The following ABCA8 variants were observed in gnomAD, a reference collection of about 807,000 sequenced individuals.
ABCA8 encodes the protein ABC-type organic anion transporter ABCA8.
ABCA8 carries 177 observed loss-of-function variants against 192.3 expected under a neutral mutation model. The ratio of observed to expected loss-of-function variants is 0.92; its 90% CI spans 0.81 to 1.04. The LOEUF (loss-of-function observed/expected upper bound fraction) is 1.04. Among genes scored for constraint, ABCA8 ranks in the 50% least tolerant of loss-of-function variants. The pLI, the probability that ABCA8 is intolerant of heterozygous loss-of-function variation, is 0.00. For synonymous variants in ABCA8, 642 were observed against 690.2 expected (o/e 0.93, Z 1.09); for missense variants, 1,915 against 1,904.8 (o/e 1.01, Z -0.10).
intron 27 of ABCA8, chr17:68,884,600 A>G: frequency 1.6e-6 from 2 of 1,260,140 alleles, no homozygotes; most frequent in Non-Finnish European, 2.0e-6. Flanking sequence ...GGATTTATCA[A>G]TTACTAATCA....
chr17:68,915,523 A>G (rs183185029), intron 17 of ABCA8, among the ~76,000 whole-genome samples: 197 of 152,320 alleles, frequency 1.3e-3, no homozygotes, highest in Middle Eastern at 6.8e-3. Context: ...CATATGAAAA[A>G]GGGCTCAATA....
Position 68,929,140 on chromosome 17 carries a change from C to T in ABCA8, c.1034G>A (p.Gly345Glu). ...AAGGTGTCTGTACAGTGATGTGAAC[C>T]CCAGACACCCCCAAAAGACAGTGAG... ...FLLTVFWGCL[G>E]FTSLYRHLPA... The change falls in exon 9 of 40, where the codon GGG becomes GAG. Residue 345 changes from glycine to glutamate, a missense_variant. Transcript: ENST00000586539. The T allele has an allele frequency of 6.2e-7, 1 of 1,611,508 alleles. No individual in the cohort carries two copies. Among genetic ancestry groups the T allele is most frequent in the East Asian group, 2.2e-5 (1 of 44,794 alleles).
chr17:68,872,674 G>A (rs911400427), intron 37 of ABCA8, among the ~76,000 whole-genome samples: 5 of 152,026 alleles, frequency 3.3e-5, no homozygotes, highest in South Asian at 2.1e-4. Flanking sequence ...TCATTGCCCC[G>A]AAGACCTTCC....
intron 35 of ABCA8, 31 bp from the exon 36 acceptor site, chr17:68,875,764 G>C: frequency 1.3e-6 from 2 of 1,592,806 alleles, no homozygotes; most frequent in Non-Finnish European, 1.7e-6. Flanking sequence ...TTGCAATTTA[G>C]GAAATCCTCT....
chr17:68,926,569 G>A (rs2067705286), intron 10 of ABCA8, among the ~76,000 whole-genome samples: 3 of 151,980 alleles, frequency 2.0e-5, no homozygotes, highest in Admixed American at 2.0e-4. Flanking sequence ...AATATTAGTA[G>A]GCAAAAAAGT....
In ABCA8 at chr17:68,902,622, G is replaced by A. The variant is rs2066942872; in HGVS notation, c.2764+91C>T. On this transcript the variant is annotated intron_variant, in intron 21 of 39. Coordinates refer to ENST00000586539, the MANE Select transcript of ABCA8 (RefSeq NM_001288985.2). ...TTGTTTTTTAACACATGCTGAATAAGTGAAAAGCTATTTTCTTTCTCATGG... is the reference window on the plus strand; with the variant it reads ...TTGTTTTTTAACACATGCTGAATAAATGAAAAGCTATTTTCTTTCTCATGG... 13 of 1,127,226 alleles carry A rather than the reference G, an allele frequency of 1.2e-5. No homozygotes were observed. The East Asian group carries it at 3.1e-4, about 27-fold the overall frequency. The allele number at this position is 1,127,226 out of a possible 1,614,324, so 69.8% of individuals were successfully genotyped here.
Position 68,922,232 on chromosome 17 carries a change from T to TA in ABCA8, c.1501+9_1501+10insT. The TA allele has an allele frequency of 1.6e-6, 1 of 614,684 alleles. No homozygotes were observed. Among genetic ancestry groups the TA allele is most frequent in the Non-Finnish European group, 2.3e-6 (1 of 443,646 alleles). The allele number at this position is 614,684 out of a possible 1,614,324, so 38.1% of individuals were successfully genotyped here. ...TTTTTTTTTTTTTTTTTTTTTTTTT[T>TA]TTTTTTTACCTTTCAAGGCTTCTAT... On this transcript the variant is annotated intron_variant, in intron 12 of 39. Coordinates refer to ENST00000586539, the MANE Select transcript of ABCA8 (RefSeq NM_001288985.2).
chr17:68,887,454 C>A lies in ABCA8; in HGVS notation c.3197G>T (p.Trp1066Leu). 2 of 1,613,636 alleles carry A rather than the reference C, an allele frequency of 1.2e-6. No homozygotes were observed. ...RISGLSPSAY[W>L]FGQALVDVSL... ...AACATCCACCAGCGCCTGCCCAAAC[C>A]AGTAAGCAGAAGGGGAGAGTCCGGA... is the stretch of plus-strand genomic sequence containing the variant. Residue 1066 changes from tryptophan to leucine, a missense_variant, in exon 25 of 40, where the codon TGG becomes TTG. By Grantham distance (61) the Trp-to-Leu change is moderately conservative (BLOSUM62 -2). Coordinates refer to ENST00000586539, the MANE Select transcript of ABCA8 (RefSeq NM_001288985.2).
chr17:68,933,312 T>C (rs2067963568), intron 5 of ABCA8, 41 bp from the exon 6 acceptor site: 1 of 1,265,092 alleles, frequency 7.9e-7, no homozygotes, highest in Non-Finnish European at 1.1e-6. Context: ...TACATCACTA[T>C]CTATATTATT....
intron 1 of ABCA8, among the ~76,000 whole-genome samples, chr17:68,951,043 C>A (rs2068554122): frequency 6.6e-6 from 1 of 152,094 alleles, no homozygotes. Context: ...AAGCTGAGTC[C>A]TCTCAGTCAT....
intron 2 of ABCA8, among the ~76,000 whole-genome samples, chr17:68,944,080 C>T (rs1299960797): frequency 2.6e-5 from 4 of 151,420 alleles, no homozygotes; most frequent in African/African-American, 9.7e-5. Flanking sequence ...CTCATGTTCT[C>T]GCTCATAAGT....
At chr17:68,926,911 A>C (rs546181811) in intron 10 of ABCA8, among the ~76,000 whole-genome samples, 1 of 152,298 alleles carries the variant, frequency 6.6e-6, no homozygotes, top group South Asian at 2.1e-4. Context: ...TTGAATAGGA[A>C]ACGCAGAAGG....
intron 21 of ABCA8, 108 bp from the exon 22 acceptor site, chr17:68,895,121 G>A: frequency 2.3e-6 from 2 of 852,270 alleles, no homozygotes; most frequent in Non-Finnish European, 3.3e-6. Flanking sequence ...AATATGGACT[G>A]TCAGGATATT....
At chr17:68,874,459 A>G (rs8074944) in intron 37 of ABCA8, among the ~76,000 whole-genome samples, 125,102 of 152,192 alleles carry the variant, frequency 0.82, 52,023 homozygotes, top group East Asian at 1. Flanking sequence ...TTGAAAATTA[A>G]GAAGATTTAC....
intron 24 of ABCA8, among the ~76,000 whole-genome samples, chr17:68,887,969 CACAT>C (rs1222516113): frequency 8.4e-6 from 1 of 118,702 alleles, no homozygotes; most frequent in African/African-American, 3.5e-5. Context: ...TATATACACA[CACAT>C]ATATATGGAT....
chr17:68,924,598 G>A, intron 11 of ABCA8, 103 bp downstream of exon 11: 1 of 1,296,682 alleles, frequency 7.7e-7, no homozygotes, highest in Middle Eastern at 2.5e-4. Context: ...GTGAGGACAG[G>A]TGGGAACTGT....
At position 68,902,813 on chromosome 17, in the gene ABCA8, T is replaced by C; in HGVS notation, c.2664A>G (p.Gln888=). ...GAGAAAGTTCCCAGGTGTAACTGTT[T>C]TGATATATTTTCACCATGGTATACT... ...LVEYTMVKIY[Q]NSYTWELSPH... Residue 888 remains glutamine (Q), a synonymous_variant, in exon 21 of 40, where the codon CAA becomes CAG. Coordinates refer to ENST00000586539, the MANE Select transcript of ABCA8 (RefSeq NM_001288985.2). The C allele has an allele frequency of 6.2e-7, 1 of 1,613,876 alleles. No homozygotes were observed. The highest frequency in any genetic ancestry group is 8.5e-7 in the Non-Finnish European group (1 of 1,179,822).
rs2068238950 is a variant in ABCA8, at chr17:68,941,875, T to C, written c.96+64A>G. On this transcript the variant is annotated intron_variant, in intron 3 of 39. Coordinates refer to ENST00000586539, the MANE Select transcript of ABCA8 (RefSeq NM_001288985.2). ...TCGGGGGAGATACACATGGCATAGA[T>C]AACTCCCAGGCAACACGTATTTTCC... The C allele has an allele frequency of 1.3e-5, 15 of 1,179,412 alleles. No individual in the cohort carries two copies. In the South Asian group the frequency reaches 2.0e-4, roughly 16 times the overall value. The allele number at this position is 1,179,412 out of a possible 1,614,324, so 73.1% of individuals were successfully genotyped here. A position where few individuals can be genotyped will look rare whatever the true frequency, so the allele number is the denominator to read the frequency against.
chr17:68,918,254 A>G (rs912460183), intron 15 of ABCA8, 69 bp from the exon 16 acceptor site: 2 of 1,585,380 alleles, frequency 1.3e-6, no homozygotes, highest in African/African-American at 2.7e-5. Context: ...ACAACGCAAA[A>G]ACCATATTGA....
Sources: allele counts gnomAD v4.1 joint callset (sites outside exome capture counted in the v4.1 genomes callset), GRCh38; gene constraint gnomAD v4.1.1; transcripts MANE v1.5; gene names NCBI Gene and HGNC (gene_info 2026-07-23, HGNC 2026-07-21).